The following BCORL1 variants were observed in gnomAD, a reference collection of about 807,000 sequenced individuals.
The protein encoded by BCORL1 is BCL-6 corepressor-like protein 1.
A neutral mutation model predicts 87.6 loss-of-function variants in BCORL1; 7 were observed. The observed-to-expected ratio is 0.08, with a 90% CI of 0.05 to 0.15. BCORL1 has a LOEUF of 0.15. Among genes scored for constraint, BCORL1 ranks in the 10% least tolerant of loss-of-function variants. BCORL1 has a pLI of 1.00. For synonymous variants in BCORL1, 591 were observed against 634.4 expected, an observed-to-expected ratio of 0.93 and a Z score of 1.03; for missense variants, 1,215 against 1,499.7, an observed-to-expected ratio of 0.81 and a Z score of 3.13.
At chrX:130,023,112 C>G (rs1929970422) in intron 6 of BCORL1, 135 bp downstream of exon 6, 2 of 546,356 alleles carry the variant, frequency 3.7e-6, no homozygotes, top group Admixed American at 2.9e-5. Context: ...TGCCCAGCTC[C>G]TTGCAGAGAT....
At chrX:130,053,796 C>T (rs1932208092) in intron 13 of BCORL1, among the ~76,000 whole-genome samples, 1 of 112,306 alleles carries the variant, frequency 8.9e-6, no homozygotes, top group African/African-American at 3.2e-5. Context: ...GAAGGGCCTT[C>T]TGAATCACCA....
At chrX:130,009,847 G>A (rs1022970439) in intron 2 of BCORL1, among the ~76,000 whole-genome samples, 3 of 111,055 alleles carry the variant, frequency 2.7e-5, no homozygotes, top group East Asian at 5.6e-4. Context: ...GCCCGCCTCC[G>A]CCAGCTGCAC....
At chrX:129,983,694 C>T (rs1183712128) in intron 1 of BCORL1, among the ~76,000 whole-genome samples, 1 of 103,603 alleles carries the variant, frequency 9.7e-6, no homozygotes, top group East Asian at 3.2e-4. Context: ...GCTGCCCTCG[C>T]TCTAGGGGCG....
chrX:130,032,754 T>TATTG (rs1556110637), intron 8 of BCORL1, among the ~76,000 whole-genome samples: 1 of 107,758 alleles, frequency 9.3e-6, no homozygotes, highest in Non-Finnish European at 1.9e-5. Context: ...TTTATTTATT[T>TATTG]ATTTATTTAT....
At chrX:130,000,141 G>T (rs1277112602) in intron 1 of BCORL1, among the ~76,000 whole-genome samples, 1 of 110,413 alleles carries the variant, frequency 9.1e-6, no homozygotes, top group East Asian at 2.8e-4. Context: ...GACCTCCTAG[G>T]CTCAGGTGAT....
In BCORL1 at chrX:130,057,326, T is replaced by TGCCTGGGG. The variant is rs1932449443; in HGVS notation, c.*1199_*1206dup. The stretch of plus-strand genomic sequence containing the variant: ...TGGTCTCCAGCCCTTGCTCCACTCA[T>TGCCTGGGG]GCCTGGGGGCCTGGGGCTGAGTGGT... On this transcript the variant is annotated 3_prime_UTR_variant, in exon 14 of 14. Transcript: ENST00000540052. 2 of 111,635 alleles carry TGCCTGGGG rather than the reference T, an allele frequency of 1.8e-5. No homozygotes were observed. The highest frequency in any genetic ancestry group is 3.8e-5 in the Non-Finnish European group (2 of 53,015). 9.2% of individuals were successfully genotyped at this position (111,635 alleles called of 1,213,427 possible).
At chrX:130,023,899 T>C (rs992144719) in intron 6 of BCORL1, among the ~76,000 whole-genome samples, 3 of 112,715 alleles carry the variant, frequency 2.7e-5, no homozygotes, top group African/African-American at 9.7e-5. Context: ...AATGTGCTGT[T>C]ATTTGCTGTC....
intron 13 of BCORL1, among the ~76,000 whole-genome samples, chrX:130,053,047 G>T (rs1313126193): frequency 8.9e-6 from 1 of 112,008 alleles, no homozygotes; most frequent in African/African-American, 3.2e-5. Context: ...AGCTGAGGCA[G>T]GAGAATCGCC....
At position 130,056,062 on chromosome X, in the gene BCORL1, G is replaced by C. The variant is rs1932367238; in HGVS notation, c.5284G>C (p.Glu1762Gln). The change falls in exon 14 of 14, where the codon GAG becomes CAG. Residue 1762 changes from glutamate to glutamine, a missense_variant. Physicochemically the swap from Glu to Gln is conservative, Grantham distance 29. Coordinates refer to ENST00000540052, the MANE Select transcript of BCORL1 (RefSeq NM_001379451.1). ...RSPPGSSETVELVRYEPDLLR... is the reference protein window; with the variant it reads ...RSPPGSSETVQLVRYEPDLLR... ...CCCCCCAGGCTCCTCTGAGACTGTG[G>C]AGCTGGTGCGGTACGAGCCAGACCT... The C allele has an allele frequency of 8.3e-7, 1 of 1,210,955 alleles. No homozygotes were observed. The highest frequency in any genetic ancestry group is 3.0e-5 in the East Asian group (1 of 33,827).
rs188178379 is a variant in BCORL1 at position 130,008,621 on chromosome X, C to G, written c.86+3304C>G. On this transcript the variant is annotated intron_variant, in intron 2 of 13. Transcript: ENST00000540052. ...CTCATCCACCCTTTATTGTCACCTT[C>G]TTGCTACAGTCTAGGCCGCTACAGC... Among the ~76,000 whole-genome samples, 326 of 112,063 alleles carry G rather than the reference C, an allele frequency of 2.9e-3. 1 individual carries two copies. The highest frequency in any genetic ancestry group is 3.8e-3 in the Non-Finnish European group (203 of 53,215).
Position 130,037,414 on chromosome X carries a change from C to T in BCORL1, c.4575C>T (p.His1525=), listed in dbSNP as rs1329237090. 3 of 1,211,705 alleles carry T rather than the reference C, an allele frequency of 2.5e-6. No individual in the cohort carries two copies. The highest frequency in any genetic ancestry group is 3.5e-5 in the African/African-American group (2 of 57,821). Residue 1525 remains histidine (H), a synonymous_variant, in exon 10 of 14, where the codon CAC becomes CAT. Coordinates refer to ENST00000540052, the MANE Select transcript of BCORL1 (RefSeq NM_001379451.1). ...AGAAAGACAGTGAAGATGTGAATCA[C>T]CGTGACAATGCTGGCTACACAGCCC... is the stretch of plus-strand genomic sequence containing the variant. ...CLQKDSEDVN[H]RDNAGYTALH... is the part of the protein sequence containing the mutation.
In BCORL1 at chrX:130,015,484, G is replaced by C; in HGVS notation, c.2712G>C (p.Lys904Asn). ...SFVPEQDPVT[K>N]NKTCRIAAKP... ...TTCCAGAGCAGGACCCTGTTACAAA[G>C]AACAAAACTTGCCGGATTGCTGCCA... The change falls in exon 4 of 14, where the codon AAG (lysine) becomes AAC (asparagine). Residue 904 changes from lysine to asparagine, a missense_variant. Coordinates refer to ENST00000540052, the MANE Select transcript of BCORL1 (RefSeq NM_001379451.1). The C allele has an allele frequency of 8.2e-7, 1 of 1,212,190 alleles. No individual in the cohort carries two copies. Among genetic ancestry groups the C allele is most frequent in the African/African-American group, 1.7e-5 (1 of 57,929 alleles).
upstream of BCORL1, chrX:129,981,533 G>A (rs768300566): frequency 4.5e-5 from 5 of 109,967 alleles, 1 homozygote; most frequent in African/African-American, 1.7e-4. Context: ...CCATGGGAGG[G>A]ATGAGGTTTG....
intron 13 of BCORL1, among the ~76,000 whole-genome samples, chrX:130,054,518 G>C (rs202110424): frequency 9.0e-6 from 1 of 110,621 alleles, no homozygotes; most frequent in African/African-American, 3.3e-5. Context: ...TTGGTAGGGT[G>C]GGGGATACAA....
At chrX:130,029,319 C>T (rs887730646) in intron 8 of BCORL1, among the ~76,000 whole-genome samples, 1 of 111,114 alleles carries the variant, frequency 9.0e-6, no homozygotes, top group Non-Finnish European at 1.9e-5. Flanking sequence ...TCTAGCTACT[C>T]CTCCCCTACC....
intron 2 of BCORL1, among the ~76,000 whole-genome samples, chrX:130,005,963 T>C (rs1928459278): frequency 9.0e-6 from 1 of 110,851 alleles, no homozygotes; most frequent in African/African-American, 3.3e-5. Context: ...GCATCAAAGT[T>C]TGGTGCTCAA....
At chrX:129,991,331 GC>G (rs1927135177) in intron 1 of BCORL1, among the ~76,000 whole-genome samples, 1 of 110,546 alleles carries the variant, frequency 9.0e-6, no homozygotes, top group African/African-American at 3.3e-5. Flanking sequence ...TGTTGGCCTG[GC>G]TGGTCTCGAA....
Position 130,014,984 on chromosome X carries a change from C to G in BCORL1, c.2212C>G (p.Leu738Val). ...GCTGAACAAAGACCCCAACCTGGGC[C>G]TCAACCGTGACCCCCGCCATCTCCC... The part of the protein sequence containing the change: ...LLLNKDPNLG[L>V]NRDPRHLPKQ... Residue 738 changes from leucine (L) to valine (V), a missense_variant, in exon 4 of 14, where the codon CTC becomes GTC. Physicochemically the swap from Leu to Val is conservative, Grantham distance 32. This residue lies in a region of BCORL1 where 861 missense variants were observed against 1,010.0 expected (regional missense o/e 0.85). Coordinates refer to ENST00000540052, the MANE Select transcript of BCORL1 (RefSeq NM_001379451.1). 8.3e-7 allele frequency: 1 copy of G among 1,211,794 alleles called. No homozygotes were observed. Among genetic ancestry groups the G allele is most frequent in the Non-Finnish European group, 1.1e-6 (1 of 895,525 alleles).
At chrX:130,040,139 CCTT>C (rs952129585) in intron 11 of BCORL1, among the ~76,000 whole-genome samples, 1 of 111,990 alleles carries the variant, frequency 8.9e-6, no homozygotes, top group Admixed American at 9.5e-5. Context: ...TATCTCTGAA[CCTT>C]CTTGGAGGCT....
Sources: gnomAD v4.1 joint callset for allele counts (sites outside exome capture counted in the v4.1 genomes callset) on GRCh38, gnomAD v4.1.1 for gene constraint, gnomAD v4.1.1 regional missense constraint, MANE v1.5 for transcripts, NCBI Gene and HGNC (gene_info 2026-07-23, HGNC 2026-07-21) for gene names.